Variants in CDK14 observed in about 807,000 individuals in gnomAD.
The protein encoded by CDK14 is cyclin-dependent kinase 14.
CDK14 carries 34 observed loss-of-function variants against 60.7 expected under a neutral mutation model. The observed-to-expected ratio is 0.56, with a 90% CI of 0.43 to 0.75. The LOEUF is 0.75. CDK14 is among the 30% of genes least tolerant of loss of function. CDK14 has a pLI of 0.00. For missense variants in CDK14, 482 were observed against 564.1 expected, an observed-to-expected ratio of 0.85 and a Z score of 1.47; for synonymous variants, 197 against 203.7, an observed-to-expected ratio of 0.97 and a Z score of 0.28.
chr7:90,934,452 AC>A (rs1257907251), intron 8 of CDK14, among the ~76,000 whole-genome samples: 10 of 152,228 alleles, frequency 6.6e-5, no homozygotes, highest in Non-Finnish European at 1.3e-4. Flanking sequence ...AAATCTAGGA[AC>A]CTGTGTCTTT....
At chr7:90,762,927 G>T (rs1314948246) in intron 4 of CDK14, among the ~76,000 whole-genome samples, 1 of 152,124 alleles carries the variant, frequency 6.6e-6, no homozygotes, top group Non-Finnish European at 1.5e-5. Context: ...GGCAGAGGTT[G>T]CAGTGAGTAC....
At chr7:91,095,941 AG>A (rs1485530596) in intron 12 of CDK14, among the ~76,000 whole-genome samples, 2 of 151,700 alleles carry the variant, frequency 1.3e-5, no homozygotes, top group African/African-American at 4.8e-5. Context: ...GGGTGATGAC[AG>A]GGTTTTGGAA....
chr7:90,600,275 A>G (rs1799287504), intron 1 of CDK14, among the ~76,000 whole-genome samples: 1 of 152,188 alleles, frequency 6.6e-6, no homozygotes. Context: ...GAATTTAATT[A>G]TTGAGTAGTT....
intron 3 of CDK14, among the ~76,000 whole-genome samples, chr7:90,733,891 T>C (rs1156425253): frequency 2.0e-5 from 3 of 152,210 alleles, no homozygotes; most frequent in African/African-American, 7.2e-5. Flanking sequence ...TTGATGCAGT[T>C]TCTTCATAGC....
chr7:90,629,948 G>T (rs1254043601), intron 2 of CDK14, among the ~76,000 whole-genome samples: 2 of 151,958 alleles, frequency 1.3e-5, no homozygotes, highest in Admixed American at 1.3e-4. Flanking sequence ...AATCACTTAA[G>T]CCTGGGAGGC....
At chr7:90,801,032 A>G (rs1788612703) in intron 5 of CDK14, among the ~76,000 whole-genome samples, 1 of 152,206 alleles carries the variant, frequency 6.6e-6, no homozygotes, top group South Asian at 2.1e-4. Flanking sequence ...GCTTCATCTT[A>G]ACTTAGCTAA....
chr7:91,173,406 C>A (rs1404454604), intron 14 of CDK14, among the ~76,000 whole-genome samples: 20 of 148,450 alleles, frequency 1.3e-4, no homozygotes, highest in African/African-American at 4.7e-4. Flanking sequence ...CCAGCCTGGG[C>A]AAAAGAGTAA....
chr7:90,756,868 A>T (rs137911484), intron 4 of CDK14, among the ~76,000 whole-genome samples: 1 of 152,266 alleles, frequency 6.6e-6, no homozygotes, highest in East Asian at 1.9e-4. Flanking sequence ...GCATTTGTAG[A>T]GATACTTGTG....
intron 2 of CDK14, among the ~76,000 whole-genome samples, chr7:90,694,280 A>G (rs11769523): frequency 0.16 from 24,356 of 152,176 alleles, 2,066 homozygotes; most frequent in African/African-American, 0.18. Context: ...TACTAAGGAA[A>G]CAGAAGCAGC....
chr7:91,184,056 G>A (rs1274967323), intron 14 of CDK14, among the ~76,000 whole-genome samples: 4 of 151,756 alleles, frequency 2.6e-5, no homozygotes, highest in African/African-American at 7.3e-5. Context: ...TAAACCAGGC[G>A]CTTAAAATTA....
intron 5 of CDK14, among the ~76,000 whole-genome samples, chr7:90,818,573 T>C (rs1033167882): frequency 2.6e-5 from 4 of 152,226 alleles, no homozygotes; most frequent in African/African-American, 9.6e-5. Flanking sequence ...TGGAAAATAC[T>C]TGGCCAATAA....
At chr7:90,699,544 C>G (rs879490764) in intron 2 of CDK14, among the ~76,000 whole-genome samples, 2 of 152,170 alleles carry the variant, frequency 1.3e-5, no homozygotes, top group African/African-American at 2.4e-5. Context: ...CTTAATCTAG[C>G]TGTTCTGCAT....
At chr7:91,005,362 A>G (rs562599252) in intron 10 of CDK14, among the ~76,000 whole-genome samples, 65 of 152,368 alleles carry the variant, frequency 4.3e-4, no homozygotes, top group African/African-American at 1.5e-3. Flanking sequence ...CCATCTACGG[A>G]CAAAACTTAG....
At chr7:90,791,097 T>G (rs1004244070) in intron 5 of CDK14, among the ~76,000 whole-genome samples, 2 of 152,236 alleles carry the variant, frequency 1.3e-5, no homozygotes, top group Non-Finnish European at 1.5e-5. Flanking sequence ...CTGGTTTTTC[T>G]GATTGGAAGA....
At chr7:90,967,109 G>T in intron 9 of CDK14, among the ~76,000 whole-genome samples, 1 of 149,314 alleles carries the variant, frequency 6.7e-6, no homozygotes, top group Non-Finnish European at 1.5e-5. Flanking sequence ...AAGGAAAGGA[G>T]GGAGGGAGGA....
intron 2 of CDK14, among the ~76,000 whole-genome samples, chr7:90,645,419 T>G (rs2116455939): frequency 6.6e-6 from 1 of 152,170 alleles, no homozygotes; most frequent in South Asian, 2.1e-4. Flanking sequence ...GTTTTATCCT[T>G]TTTTTTCCCC....
chr7:91,174,601 G>A (rs1441582996), intron 14 of CDK14, among the ~76,000 whole-genome samples: 1 of 138,804 alleles, frequency 7.2e-6, no homozygotes, highest in South Asian at 2.5e-4. Context: ...CCAATAGAGA[G>A]AAGTGCTTAA....
chr7:90,679,539 C>T (rs187433547), intron 2 of CDK14, among the ~76,000 whole-genome samples: 1 of 152,156 alleles, frequency 6.6e-6, no homozygotes, highest in African/African-American at 2.4e-5. Flanking sequence ...TCATATATTC[C>T]TTCCAAGAAC....
intron 6 of CDK14, among the ~76,000 whole-genome samples, chr7:90,870,465 A>G (rs1223446900): frequency 6.6e-6 from 1 of 152,234 alleles, no homozygotes; most frequent in Non-Finnish European, 1.5e-5. Context: ...CTGTATAACA[A>G]ACTTGCACGT....
Sources: allele counts gnomAD v4.1 joint callset (sites outside exome capture counted in the v4.1 genomes callset), GRCh38; gene constraint gnomAD v4.1.1; transcripts MANE v1.5; gene names NCBI Gene and HGNC (gene_info 2026-07-23, HGNC 2026-07-21).